Variants in DSCAML1 observed in about 807,000 individuals in gnomAD.
The protein encoded by DSCAML1 is cell adhesion molecule DSCAML1.
DSCAML1 carries 38 observed loss-of-function variants against 200.5 expected under a neutral mutation model. The observed-to-expected ratio is 0.19, with a 90% CI of 0.15 to 0.25. The LOEUF (loss-of-function observed/expected upper bound fraction) is 0.25, where lower values mean the gene tolerates loss of function less well. Among genes scored for constraint, DSCAML1 ranks in the 10% least tolerant of loss-of-function variants. The pLI, the probability that DSCAML1 is intolerant of heterozygous loss-of-function variation, is 1.00. For missense variants in DSCAML1, 2,223 were observed against 2,858.8 expected, an observed-to-expected ratio of 0.78 and a Z score of 5.07; for synonymous variants, 1,215 against 1,165.0, an observed-to-expected ratio of 1.04 and a Z score of -0.87.
chr11:117,636,860 T>C (rs1267820657), intron 3 of DSCAML1, among the ~76,000 whole-genome samples: 1 of 152,192 alleles, frequency 6.6e-6, no homozygotes, highest in Non-Finnish European at 1.5e-5. Context: ...GCCTAAGTAG[T>C]AGTCAGTAAA....
chr11:117,536,760 A>G (rs185390764), intron 3 of DSCAML1, among the ~76,000 whole-genome samples: 2 of 152,280 alleles, frequency 1.3e-5, no homozygotes, highest in East Asian at 3.9e-4. Flanking sequence ...CTGTGGTATC[A>G]TCTATCTACA....
intron 3 of DSCAML1, among the ~76,000 whole-genome samples, chr11:117,663,774 G>T (rs73014414): frequency 1.3e-5 from 2 of 152,144 alleles, no homozygotes; most frequent in African/African-American, 4.8e-5. Context: ...CTGAGTACAG[G>T]GGGGCTGGGG....
chr11:117,605,958 G>A (rs975838551), intron 3 of DSCAML1, among the ~76,000 whole-genome samples: 1 of 152,114 alleles, frequency 6.6e-6, no homozygotes, highest in Non-Finnish European at 1.5e-5. Context: ...CTAGTCCAGG[G>A]CCTGGAAGTG....
At chr11:117,517,080 G>A (rs919544433) in intron 7 of DSCAML1, among the ~76,000 whole-genome samples, 5 of 152,170 alleles carry the variant, frequency 3.3e-5, no homozygotes, top group Non-Finnish European at 7.4e-5. Context: ...GGATTTGGGA[G>A]GGCAAGTCCT....
At chr11:117,515,809 C>T (rs952210145) in intron 8 of DSCAML1, among the ~76,000 whole-genome samples, 21 of 151,848 alleles carry the variant, frequency 1.4e-4, no homozygotes, top group East Asian at 1.2e-3. Flanking sequence ...TTAGTAGAGA[C>T]GGGGTTTCAT....
chr11:117,478,078 G>A (rs2048833505), intron 14 of DSCAML1, among the ~76,000 whole-genome samples: 1 of 152,234 alleles, frequency 6.6e-6, no homozygotes, highest in African/African-American at 2.4e-5. Context: ...GCAAGACGTG[G>A]ATGTGCTGTA....
At chr11:117,774,449 A>G (rs781400745) in intron 3 of DSCAML1, among the ~76,000 whole-genome samples, 7 of 152,158 alleles carry the variant, frequency 4.6e-5, no homozygotes, top group Non-Finnish European at 1.0e-4. Context: ...TTGTTCATAT[A>G]TTGATTCATT....
At chr11:117,684,434 C>G (rs1454707595) in intron 3 of DSCAML1, among the ~76,000 whole-genome samples, 1 of 50,296 alleles carries the variant, frequency 2.0e-5, no homozygotes, top group Non-Finnish European at 4.5e-5. Context: ...ATTTCATTAA[C>G]TAAAAAAAAA....
At chr11:117,458,660 C>G in intron 19 of DSCAML1, 94 bp downstream of exon 19, 1 of 1,481,610 alleles carries the variant, frequency 6.7e-7, no homozygotes, top group Non-Finnish European at 9.1e-7. Flanking sequence ...GGAGAAAGGA[C>G]AGTACCCTGC....
chr11:117,444,128 A>G, intron 20 of DSCAML1, 89 bp from the exon 21 acceptor site: 2 of 1,439,848 alleles, frequency 1.4e-6, no homozygotes, highest in South Asian at 2.7e-5. Context: ...CTCAGAGGAG[A>G]GGATGGCGGG....
chr11:117,529,105 C>T (rs1016796038), intron 4 of DSCAML1, among the ~76,000 whole-genome samples: 1 of 152,096 alleles, frequency 6.6e-6, no homozygotes, highest in Non-Finnish European at 1.5e-5. Context: ...GAGTCTCACT[C>T]TGTCACCCAG....
Position 117,428,416 on chromosome 11 carries a change from T to C in DSCAML1, c.6074A>G (p.Asp2025Gly). Reference sequence around the variant, plus strand: ...CGATGTGCTCATCTCGAGAAGCGAGTCCCTGGAGCCCCCCATTTTGGTGTG... The same window carrying C: ...CGATGTGCTCATCTCGAGAAGCGAGCCCCTGGAGCCCCCCATTTTGGTGTG... ...GPHTKMGGSR[D>G]SLLEMSTSGV... The change falls in exon 33 of 33, where the codon GAC (aspartate) becomes GGC (glycine). Residue 2025 changes from aspartate (D) to glycine (G), a missense_variant. By Grantham distance (94) the Asp-to-Gly change is moderately conservative (BLOSUM62 -1). Transcript: ENST00000651296. 1.3e-6 allele frequency: 2 copies of C among 1,558,000 alleles called. No individual in the cohort carries two copies. The highest frequency in any genetic ancestry group is 1.7e-6 in the Non-Finnish European group (2 of 1,156,352).
chr11:117,637,179 G>A (rs2052306744), intron 3 of DSCAML1, among the ~76,000 whole-genome samples: 1 of 152,034 alleles, frequency 6.6e-6, no homozygotes, highest in Non-Finnish European at 1.5e-5. Flanking sequence ...GGGGTTGAAG[G>A]CTATTCCCTA....
intron 6 of DSCAML1, among the ~76,000 whole-genome samples, chr11:117,520,658 C>T (rs936541375): frequency 2.0e-5 from 3 of 151,610 alleles, no homozygotes; most frequent in Admixed American, 1.3e-4. Context: ...TCAGCCCAGG[C>T]GGGAGGATCG....
chr11:117,610,854 C>A (rs1013978857), intron 3 of DSCAML1, among the ~76,000 whole-genome samples: 144 of 103,888 alleles, frequency 1.4e-3, no homozygotes, highest in African/African-American at 4.4e-3. Flanking sequence ...CCCCCCCCCA[C>A]AATGTGTTCG....
Position 117,438,884 on chromosome 11 carries a change from C to A in DSCAML1, c.4243+1G>T, listed in dbSNP as rs1302295505. 2 of 1,584,908 alleles carry A rather than the reference C, an allele frequency of 1.3e-6. No individual in the cohort carries two copies. The highest frequency in any genetic ancestry group is 2.3e-5 in the East Asian group (1 of 42,894). Reference sequence around the variant, plus strand: ...TCCCCCGCATCCAGACCCCTCCTCACCTCGGATGGAGCTGCCCCCATTGTC... The same window carrying A: ...TCCCCCGCATCCAGACCCCTCCTCAACTCGGATGGAGCTGCCCCCATTGTC... On this transcript the variant is annotated splice_donor_variant, in intron 24 of 32. Transcript: ENST00000651296. LOFTEE classifies it high-confidence loss of function.
At chr11:117,457,883 A>G (rs1450995023) in intron 19 of DSCAML1, among the ~76,000 whole-genome samples, 1 of 152,240 alleles carries the variant, frequency 6.6e-6, no homozygotes, top group Non-Finnish European at 1.5e-5. Flanking sequence ...CCACCATGCC[A>G]AGGATGTCTC....
chr11:117,580,785 G>A (rs1051854680), intron 3 of DSCAML1, among the ~76,000 whole-genome samples: 6 of 152,108 alleles, frequency 3.9e-5, no homozygotes, highest in Non-Finnish European at 1.5e-5. Context: ...ATTAATTAGT[G>A]TTAATTAATG....
chr11:117,639,824 A>T (rs556660348), intron 3 of DSCAML1, among the ~76,000 whole-genome samples: 20 of 146,540 alleles, frequency 1.4e-4, no homozygotes, highest in African/African-American at 4.9e-4. Flanking sequence ...TGCCCTGCCC[A>T]CCCCATGCCT....
Sources: gnomAD v4.1 joint callset for allele counts (sites outside exome capture counted in the v4.1 genomes callset) on GRCh38, gnomAD v4.1.1 for gene constraint, MANE v1.5 for transcripts, NCBI Gene and HGNC (gene_info 2026-07-23, HGNC 2026-07-21) for gene names.